Variants in SNW1 observed in about 807,000 individuals in gnomAD.
The protein encoded by SNW1 is SNW domain containing 1.
A neutral mutation model predicts 75.6 loss-of-function variants in SNW1; 9 were observed. That is an observed-to-expected ratio of 0.12 (90% CI 0.07 to 0.21). The LOEUF (loss-of-function observed/expected upper bound fraction) is 0.21. SNW1 is among the 10% of genes least tolerant of loss of function. The probability of loss-of-function intolerance (pLI) is 1.00; values close to 1 mark genes in which losing one functional copy is unlikely to be tolerated. For missense variants in SNW1, 409 were observed against 670.9 expected, an observed-to-expected ratio of 0.61 and a Z score of 4.31; for synonymous variants, 200 against 219.1, an observed-to-expected ratio of 0.91 and a Z score of 0.77.
intron 12 of SNW1, among the ~76,000 whole-genome samples, chr14:77,719,414 G>T (rs2080519393): frequency 6.6e-6 from 1 of 152,062 alleles, no homozygotes; most frequent in African/African-American, 2.4e-5. Context: ...AAGGCAGGAG[G>T]ATCACGAGGT....
In SNW1 at chr14:77,752,812, G is replaced by T. The variant is rs187277092; in HGVS notation, c.169-1332C>A. 3.4e-3 allele frequency among the ~76,000 whole-genome samples: 525 copies of T among 152,280 alleles called. 3 individuals are homozygous for T. The highest frequency in any genetic ancestry group is 5.7e-3 in the Non-Finnish European group (389 of 68,010). The stretch of plus-strand genomic sequence containing the variant: ...TTAAGTAATACTCCGTTAGATCTAA[G>T]ATATATGAGTTCCTAAGTACAATAT... On this transcript the variant is annotated intron_variant, in intron 2 of 13. Coordinates refer to ENST00000261531, the MANE Select transcript of SNW1 (RefSeq NM_012245.3).
Position 77,751,394 on chromosome 14 carries a change from C to T in SNW1, c.255G>A (p.Ala85=), listed in dbSNP as rs533864359. 9.3e-6 allele frequency: 15 copies of T among 1,613,634 alleles called. No individual in the cohort carries two copies. Among genetic ancestry groups the T allele is most frequent in the African/African-American group, 5.3e-5 (4 of 74,920 alleles). ...DMGRKKKMSN[A]LAIQVDSEGK... ...CTTCAGAATCCACCTGAATGGCCAGCGCATTCGACATTTTTTTCTTTCGTC... is the reference window on the plus strand; with the variant it reads ...CTTCAGAATCCACCTGAATGGCCAGTGCATTCGACATTTTTTTCTTTCGTC... The change falls in exon 3 of 14, where the codon GCG becomes GCA. Residue 85 remains alanine, a synonymous_variant. Transcript: ENST00000261531.
chr14:77,738,001 A>AAAG (rs1421174205), intron 5 of SNW1, among the ~76,000 whole-genome samples: 2 of 150,800 alleles, frequency 1.3e-5, no homozygotes, highest in Non-Finnish European at 3.0e-5. Flanking sequence ...CAAAAAAAAA[A>AAAG]AAAAAAAAAG....
At chr14:77,732,629 GT>G in intron 8 of SNW1, 28 bp from the exon 9 acceptor site, 1 of 1,158,640 alleles carries the variant, frequency 8.6e-7, no homozygotes, top group Non-Finnish European at 1.3e-6. Context: ...AGAAAACCCA[GT>G]CACAGAAGTG....
chr14:77,722,274 T>C (rs137886198), intron 11 of SNW1, among the ~76,000 whole-genome samples: 20 of 152,224 alleles, frequency 1.3e-4, no homozygotes, highest in African/African-American at 4.8e-4. Context: ...TATGCCCTCA[T>C]ATATATATTT....
At chr14:77,742,954 G>C (rs1232335998) in intron 3 of SNW1, among the ~76,000 whole-genome samples, 2 of 151,874 alleles carry the variant, frequency 1.3e-5, no homozygotes, top group African/African-American at 4.8e-5. Flanking sequence ...GGCTGGGTGT[G>C]GTGGCTCATG....
intron 3 of SNW1, among the ~76,000 whole-genome samples, chr14:77,742,541 T>C (rs965780383): frequency 6.6e-6 from 1 of 152,156 alleles, no homozygotes; most frequent in African/African-American, 2.4e-5. Context: ...AGAACTAGAC[T>C]GACTAAAAGG....
intron 10 of SNW1, among the ~76,000 whole-genome samples, chr14:77,728,001 T>C (rs568871186): frequency 6.6e-6 from 1 of 151,130 alleles, no homozygotes; most frequent in East Asian, 1.9e-4. Context: ...AATTCGGCAG[T>C]GAAGCTGTCA....
At chr14:77,757,919 CATCTATCTATCTATCT>C (rs71128671) in intron 1 of SNW1, among the ~76,000 whole-genome samples, 35 of 147,574 alleles carry the variant, frequency 2.4e-4, no homozygotes, top group Admixed American at 5.4e-4. Context: ...TCAATCTAAT[CATCTATCTATCTATCT>C]ATCTATCTAT....
chr14:77,723,384 C>CT, intron 10 of SNW1, 107 bp from the exon 11 acceptor site: 1 of 808,468 alleles, frequency 1.2e-6, no homozygotes, highest in South Asian at 1.5e-5. Flanking sequence ...GCATCTCACT[C>CT]TGTCACCCAG....
chr14:77,747,521 G>C (rs1297034130), intron 3 of SNW1, among the ~76,000 whole-genome samples: 1 of 151,198 alleles, frequency 6.6e-6, no homozygotes, highest in Non-Finnish European at 1.5e-5. Context: ...GAGCGCCTCT[G>C]CCCCGCCGCC....
At chr14:77,738,927 G>C (rs764493925) in intron 4 of SNW1, 39 bp downstream of exon 4, 2 of 1,606,936 alleles carry the variant, frequency 1.2e-6, no homozygotes, top group Non-Finnish European at 1.7e-6. Context: ...AAGTTAATCA[G>C]GATGTAAATA....
In SNW1 at chr14:77,751,456, GA is replaced by G; in HGVS notation, c.192del (p.Pro65GlnfsTer61). 6.2e-7 allele frequency: 1 copy of G among 1,608,538 alleles called. No homozygotes were observed. Among genetic ancestry groups the G allele is most frequent in the Non-Finnish European group, 8.5e-7 (1 of 1,178,250 alleles). ...LLEDFGDGGA[F>X]PEIHVAQYPL... ...GGATACTGGGCCACATGGATCTCTG[GA>G]AAAGCACCTCCATCTCCAAAATCCT... On this transcript the variant is annotated frameshift_variant, in exon 3 of 14. Transcript: ENST00000261531. LOFTEE classifies it high-confidence loss of function.
intron 1 of SNW1, among the ~76,000 whole-genome samples, chr14:77,756,443 A>T (rs1223966560): frequency 1.3e-5 from 2 of 152,168 alleles, no homozygotes; most frequent in African/African-American, 4.8e-5. Flanking sequence ...CTTGTTTTTA[A>T]CATTTTTACC....
intron 8 of SNW1, chr14:77,733,945 C>G (rs771683036): frequency 4.7e-5 from 21 of 446,738 alleles, no homozygotes; most frequent in Non-Finnish European, 8.1e-5. Context: ...AGTCCATGGT[C>G]TCATAATAAA....
intron 1 of SNW1, among the ~76,000 whole-genome samples, chr14:77,759,507 A>T (rs1407480087): frequency 1.3e-5 from 2 of 152,078 alleles, no homozygotes; most frequent in African/African-American, 4.8e-5. Context: ...GTGAGACCCT[A>T]TATCAAAAAA....
At chr14:77,725,350 A>T (rs578197930) in intron 10 of SNW1, among the ~76,000 whole-genome samples, 1 of 152,252 alleles carries the variant, frequency 6.6e-6, no homozygotes, top group African/African-American at 2.4e-5. Context: ...CCATTTGTCT[A>T]TATTTGCTTT....
chr14:77,743,497 C>T (rs901515023), intron 3 of SNW1, among the ~76,000 whole-genome samples: 2 of 152,104 alleles, frequency 1.3e-5, no homozygotes, highest in Admixed American at 1.3e-4. Flanking sequence ...GTGAGAACTC[C>T]CTCGTTTCTG....
chr14:77,746,892 TC>T (rs1182966798), intron 3 of SNW1, among the ~76,000 whole-genome samples: 1 of 150,560 alleles, frequency 6.6e-6, no homozygotes, highest in Non-Finnish European at 1.5e-5. Flanking sequence ...GAATTATAGC[TC>T]CCCCTCCCCC....
Sources: allele counts gnomAD v4.1 joint callset (sites outside exome capture counted in the v4.1 genomes callset), GRCh38; gene constraint gnomAD v4.1.1; transcripts MANE v1.5; gene names NCBI Gene and HGNC (gene_info 2026-07-23, HGNC 2026-07-21).